Variants in TTC13 observed in about 807,000 individuals in gnomAD.
The protein encoded by TTC13 is tetratricopeptide repeat domain 13, also known as tetratricopeptide repeat protein 13.
In TTC13, 62 loss-of-function variants were observed where a neutral mutation model predicts 120.0. The ratio of observed to expected loss-of-function variants is 0.52; its 90% CI spans 0.42 to 0.64. The LOEUF (loss-of-function observed/expected upper bound fraction) is 0.64, where lower values mean the gene tolerates loss of function less well. TTC13 is among the 30% of genes least tolerant of loss of function. TTC13 has a pLI of 0.00. For synonymous variants in TTC13, 384 were observed against 393.5 expected (o/e 0.98, Z 0.28); for missense variants, 824 against 1,050.2 (o/e 0.78, Z 2.98).
rs540693250 is a variant in TTC13, at chr1:230,943,550, C to T, written c.672+256G>A. Among the ~76,000 whole-genome samples, 37 of 152,070 alleles carry T rather than the reference C, an allele frequency of 2.4e-4. No individual in the cohort carries two copies. The South Asian group carries it at 2.5e-3, about 10-fold the overall frequency. On this transcript the variant is annotated intron_variant, in intron 6 of 22. Coordinates refer to ENST00000366661, the MANE Select transcript of TTC13 (RefSeq NM_024525.5). The stretch of plus-strand genomic sequence containing the variant: ...AATGAATATCTATAGAAGTAGTACA[C>T]GTCATATTTTCATACTAAATATTTT...
chr1:230,915,542 A>C (rs1302918895), intron 18 of TTC13, among the ~76,000 whole-genome samples: 1 of 152,252 alleles, frequency 6.6e-6, no homozygotes, highest in South Asian at 2.1e-4. Flanking sequence ...CAAAAAGATC[A>C]GTCAGAGAAA....
In TTC13 at chr1:230,944,994, A is replaced by AT. The variant is rs1674853065; in HGVS notation, c.579+394dup. ...AGATATTACGCCATATGCAAAAAGT[A>AT]TAAAATATAACAAATAAAGATAAAT... is the stretch of plus-strand genomic sequence containing the variant. On this transcript the variant is annotated intron_variant, in intron 5 of 22. Coordinates refer to ENST00000366661, the MANE Select transcript of TTC13 (RefSeq NM_024525.5). The surrounding 1 kb of genome is among the most constrained non-coding windows in gnomAD (Gnocchi z 4.0). 1.3e-5 allele frequency among the ~76,000 whole-genome samples: 2 copies of AT among 152,228 alleles called. No individual in the cohort carries two copies. The highest frequency in any genetic ancestry group is 2.9e-5 in the Non-Finnish European group (2 of 68,038).
chr1:230,923,129 C>T (rs1358744480), intron 15 of TTC13, among the ~76,000 whole-genome samples: 3 of 152,094 alleles, frequency 2.0e-5, no homozygotes, highest in African/African-American at 7.2e-5. Context: ...TTAGAGGTGA[C>T]ACAACTACCA....
chr1:230,920,892 T>A (rs996500617), intron 16 of TTC13, among the ~76,000 whole-genome samples: 2 of 152,252 alleles, frequency 1.3e-5, no homozygotes, highest in African/African-American at 4.8e-5. Context: ...TGTATGGTTA[T>A]GAGTTTGGTT....
At chr1:230,950,870 C>A (rs1675507195) in intron 4 of TTC13, among the ~76,000 whole-genome samples, 1 of 152,152 alleles carries the variant, frequency 6.6e-6, no homozygotes, top group Non-Finnish European at 1.5e-5. Context: ...GCACAGAAAT[C>A]AGGAAAAAGT....
At chr1:230,928,524 A>G (rs1227155417) in intron 12 of TTC13, among the ~76,000 whole-genome samples, 1 of 152,204 alleles carries the variant, frequency 6.6e-6, no homozygotes, top group African/African-American at 2.4e-5. Context: ...TGATCTGCAA[A>G]CAATGACAGC....
chr1:230,925,438 A>T (rs1672969619), intron 13 of TTC13, 79 bp downstream of exon 13: 1 of 1,494,682 alleles, frequency 6.7e-7, no homozygotes, highest in African/African-American at 1.4e-5. Flanking sequence ...ATACTAATTT[A>T]TTAAAATGCA....
chr1:230,920,410 T>C (rs768065674), intron 17 of TTC13, 100 bp downstream of exon 17: 7 of 856,912 alleles, frequency 8.2e-6, no homozygotes, highest in African/African-American at 3.4e-5. Context: ...ATACGAGTGA[T>C]TTCAAATAGC....
chr1:230,921,322 A>C (rs1413581202), intron 16 of TTC13, 99 bp downstream of exon 16: 2 of 677,496 alleles, frequency 3.0e-6, no homozygotes, highest in Non-Finnish European at 5.0e-6. Context: ...GACCTTGTTT[A>C]GCCCGTCAAC....
At chr1:230,957,183 A>C (rs960298474) in intron 3 of TTC13, among the ~76,000 whole-genome samples, 6 of 152,210 alleles carry the variant, frequency 3.9e-5, no homozygotes, top group African/African-American at 1.4e-4. Flanking sequence ...AGCATTTTCA[A>C]AATAGCACCC....
chr1:230,913,008 A>T (rs909832472), intron 18 of TTC13, among the ~76,000 whole-genome samples: 12 of 152,326 alleles, frequency 7.9e-5, no homozygotes, highest in Admixed American at 4.6e-4. Context: ...GTCTAACTAC[A>T]TGTACTTATT....
chr1:230,934,618 T>A (rs1364014060), intron 8 of TTC13, among the ~76,000 whole-genome samples: 1 of 152,206 alleles, frequency 6.6e-6, no homozygotes, highest in African/African-American at 2.4e-5. Flanking sequence ...AGAAACAACC[T>A]AGGCTTAAAC....
intron 1 of TTC13, among the ~76,000 whole-genome samples, chr1:230,971,498 T>C (rs1677744759): frequency 1.3e-5 from 2 of 152,116 alleles, no homozygotes; most frequent in Admixed American, 6.5e-5. Context: ...TTTAATGAAA[T>C]GAAATATTCA....
intron 1 of TTC13, among the ~76,000 whole-genome samples, chr1:230,970,521 A>G (rs1458429906): frequency 1.3e-5 from 2 of 152,206 alleles, no homozygotes; most frequent in African/African-American, 4.8e-5. Flanking sequence ...GGCACCGGCC[A>G]CTCATCCACC....
chr1:230,958,029 C>G (rs1676263560), intron 3 of TTC13, among the ~76,000 whole-genome samples, 195 bp downstream of exon 3: 1 of 90,494 alleles, frequency 1.1e-5, no homozygotes, highest in Non-Finnish European at 2.1e-5. Flanking sequence ...AAAGATTATT[C>G]CATCCAAACC....
chr1:230,930,973 T>C (rs1673495793), intron 11 of TTC13, among the ~76,000 whole-genome samples: 1 of 152,198 alleles, frequency 6.6e-6, no homozygotes, highest in Non-Finnish European at 1.5e-5. Flanking sequence ...CTGCCCTTCC[T>C]GTATTCTTGG....
intron 6 of TTC13, among the ~76,000 whole-genome samples, chr1:230,941,086 G>T (rs141703028): frequency 6.6e-5 from 10 of 152,242 alleles, no homozygotes; most frequent in African/African-American, 2.4e-4. Context: ...GTCATGATCT[G>T]CAGAGTAGGA....
At chr1:230,946,332 T>G (rs1006964929) in intron 4 of TTC13, among the ~76,000 whole-genome samples, 1 of 152,242 alleles carries the variant, frequency 6.6e-6, no homozygotes, top group Non-Finnish European at 1.5e-5. Flanking sequence ...AAAAACTTGA[T>G]AGATTAATCT....
intron 19 of TTC13, among the ~76,000 whole-genome samples, chr1:230,912,034 G>A (rs1671561284): frequency 6.6e-6 from 1 of 152,134 alleles, no homozygotes; most frequent in Non-Finnish European, 1.5e-5. Context: ...GAAATAAGGT[G>A]ACTTTTCAAG....
Sources: allele counts gnomAD v4.1 joint callset (sites outside exome capture counted in the v4.1 genomes callset), GRCh38; gene constraint gnomAD v4.1.1; non-coding constraint Gnocchi (gnomAD v3.1); transcripts MANE v1.5; gene names NCBI Gene and HGNC (gene_info 2026-07-23, HGNC 2026-07-21).